SVOPL: variants seen among roughly 807,000 people sequenced by gnomAD.
SVOPL encodes the protein putative transporter SVOPL.
In SVOPL, 60 loss-of-function variants were observed where a neutral mutation model predicts 61.0. That is an observed-to-expected ratio of 0.98 (90% CI 0.80 to 1.22). The LOEUF (loss-of-function observed/expected upper bound fraction) is 1.22. Among genes scored for constraint, SVOPL ranks in the 50% most tolerant of loss-of-function variants. The probability of loss-of-function intolerance (pLI) is 0.00; values close to 1 mark genes in which losing one functional copy is unlikely to be tolerated. For missense variants in SVOPL, 662 were observed against 643.9 expected (o/e 1.03, Z -0.30); for synonymous variants, 279 against 250.0 (o/e 1.12, Z -1.09).
intron 14 of SVOPL, among the ~76,000 whole-genome samples, chr7:138,612,947 T>C (rs2116828600): frequency 6.6e-6 from 1 of 152,076 alleles, no homozygotes; most frequent in Non-Finnish European, 1.5e-5. Flanking sequence ...GAACTGAGAG[T>C]TGTCTTATAA....
chr7:138,673,552 C>T (rs1012829478), intron 3 of SVOPL, among the ~76,000 whole-genome samples: 4 of 151,956 alleles, frequency 2.6e-5, no homozygotes, highest in African/African-American at 9.7e-5. Flanking sequence ...GGGTGAGGCA[C>T]GAGAATCACT....
chr7:138,659,889 A>G lies in SVOPL; in HGVS notation c.445T>C (p.Cys149Arg). The G allele has an allele frequency of 6.4e-7, 1 of 1,551,578 alleles. No homozygotes were observed. The highest frequency in any genetic ancestry group is 8.7e-7 in the Non-Finnish European group (1 of 1,146,990). Residue 149 changes from cysteine to arginine, a missense_variant, in exon 6 of 16, where the codon TGT (cysteine) becomes CGT (arginine). Cys to Arg is a radical substitution (Grantham distance 180, BLOSUM62 -3). Transcript: ENST00000674285. ...CCTTGCGAGTGGCCGGACACACCAC[A>G]GCCCACCATCGTCCGCAGGAAGACA... ...WFVFLRTMVG[C>R]GVSGHSQGLI...
At chr7:138,648,889 T>G in intron 8 of SVOPL, 123 bp downstream of exon 8, 2 of 1,462,088 alleles carry the variant, frequency 1.4e-6, no homozygotes, top group Non-Finnish European at 1.8e-6. Context: ...ACCTCTGCAC[T>G]GCAGCCTGGA....
intron 13 of SVOPL, among the ~76,000 whole-genome samples, chr7:138,622,477 T>G (rs1799713698): frequency 9.3e-6 from 1 of 107,266 alleles, no homozygotes; most frequent in African/African-American, 3.6e-5. Context: ...GTATTTTTAG[T>G]GGAGGCAGCG....
chr7:138,625,911 C>A, intron 13 of SVOPL, 58 bp downstream of exon 13: 1 of 1,554,244 alleles, frequency 6.4e-7, no homozygotes, highest in Non-Finnish European at 8.8e-7. Context: ...TTTGGATGGA[C>A]ATCCTAAGTA....
At chr7:138,594,686 G>A in intron 15 of SVOPL, 65 bp from the exon 16 acceptor site, 2 of 1,192,936 alleles carry the variant, frequency 1.7e-6, no homozygotes, top group Non-Finnish European at 2.3e-6. Flanking sequence ...TTCATACTGA[G>A]CTATCTGATA....
chr7:138,630,178 T>C lies in SVOPL; in HGVS notation c.790-56A>G, dbSNP rs866031329. On this transcript the variant is annotated intron_variant, in intron 9 of 15. Transcript: ENST00000674285. ...TCAGCAGCTTAAGGATGAACGGAGA[T>C]GTTTCCACTGTTTTCGATCATAGAA... The C allele has an allele frequency of 4.1e-5, 57 of 1,401,196 alleles. 1 individual carries two copies. The South Asian group carries it at 4.4e-4, about 11-fold the overall frequency. 86.8% of individuals were successfully genotyped at this position (1,401,196 alleles called of 1,614,324 possible). A position where few individuals can be genotyped will look rare whatever the true frequency, so the allele number is the denominator to read the frequency against.
rs151301864 is a variant in SVOPL, at chr7:138,649,067, C to A, written c.605G>T (p.Arg202Leu). 4 of 1,613,642 alleles carry A rather than the reference C, an allele frequency of 2.5e-6. No individual in the cohort carries two copies. The South Asian group carries it at 4.4e-5, about 18-fold the overall frequency. Residue 202 changes from arginine (R) to leucine (L), a missense_variant, in exon 8 of 16, where the codon CGC becomes CTC. By Grantham distance (102) the Arg-to-Leu change is moderately radical. Coordinates refer to ENST00000674285, the MANE Select transcript of SVOPL (RefSeq NM_001139456.2). ...ASVIIPTIGW[R>L]WLIRVASIPG... is the part of the protein sequence containing the mutation. The stretch of plus-strand genomic sequence containing the variant: ...GATGGAGGCGACGCGAATGAGCCAG[C>A]GCCACCCGATGGTGGGGATGATCAC...
chr7:138,689,047 G>A, intron 1 of SVOPL: 2 of 715,354 alleles, frequency 2.8e-6, no homozygotes, highest in South Asian at 1.4e-5. Context: ...TCAAATCTTT[G>A]TGTTCACTTT....
intron 13 of SVOPL, among the ~76,000 whole-genome samples, chr7:138,625,335 A>G (rs1265094349): frequency 1.3e-5 from 2 of 152,208 alleles, no homozygotes; most frequent in Non-Finnish European, 2.9e-5. Context: ...CCTGAAAGGC[A>G]GCTTTATCAG....
chr7:138,611,912 A>G (rs1373709515), intron 14 of SVOPL, among the ~76,000 whole-genome samples: 19 of 23,902 alleles, frequency 7.9e-4, no homozygotes, highest in Middle Eastern at 5.9e-3. Flanking sequence ...CAGCTCATTG[A>G]GAACGGGCCA....
chr7:138,653,640 A>C (rs1461625179), intron 7 of SVOPL, among the ~76,000 whole-genome samples: 1 of 152,022 alleles, frequency 6.6e-6, no homozygotes, highest in African/African-American at 2.4e-5. Context: ...CATCTCAACT[A>C]AAGAAAAAAT....
chr7:138,652,352 C>A (rs575452895), intron 7 of SVOPL, among the ~76,000 whole-genome samples: 2 of 151,668 alleles, frequency 1.3e-5, no homozygotes, highest in African/African-American at 2.4e-5. Context: ...GTGTCTGGCC[C>A]GATTTTTTGA....
At position 138,659,862 on chromosome 7, in the gene SVOPL, A is replaced by G. The variant is rs974911103; in HGVS notation, c.470+2T>C. On this transcript the variant is annotated splice_donor_variant, in intron 6 of 15. Coordinates refer to ENST00000674285, the MANE Select transcript of SVOPL (RefSeq NM_001139456.2). LOFTEE classifies it high-confidence loss of function. ...TCAGGGTCCCCTGGGTAACATATTT[A>G]CCCTTGCGAGTGGCCGGACACACCA... The G allele has an allele frequency of 5.8e-6, 9 of 1,551,378 alleles. No individual in the cohort carries two copies. The Admixed American group carries it at 1.8e-4, about 30-fold the overall frequency.
intron 9 of SVOPL, among the ~76,000 whole-genome samples, chr7:138,639,901 C>T (rs753904846): frequency 4.5e-5 from 6 of 132,568 alleles, no homozygotes; most frequent in African/African-American, 1.4e-4. Flanking sequence ...TACAGGTGTG[C>T]GCCACTATGC....
chr7:138,653,599 C>A (rs1006879702), intron 7 of SVOPL, among the ~76,000 whole-genome samples: 8 of 151,738 alleles, frequency 5.3e-5, no homozygotes, highest in Non-Finnish European at 1.2e-4. Context: ...GCCAGGAGTT[C>A]AAGACCAGCC....
chr7:138,690,310 T>A (rs1262049908), intron 1 of SVOPL, among the ~76,000 whole-genome samples: 1 of 152,050 alleles, frequency 6.6e-6, no homozygotes. Context: ...CAGGCTGGAG[T>A]GCAATGGCGT....
chr7:138,594,897 T>C (rs1169079573), intron 15 of SVOPL, among the ~76,000 whole-genome samples: 1 of 151,912 alleles, frequency 6.6e-6, no homozygotes, highest in Non-Finnish European at 1.5e-5. Context: ...TACATATATA[T>C]ACACGTGTGT....
intron 1 of SVOPL, among the ~76,000 whole-genome samples, chr7:138,684,582 T>A (rs1052300949): frequency 6.6e-6 from 1 of 152,186 alleles, no homozygotes; most frequent in East Asian, 1.9e-4. Flanking sequence ...TCATACTTGT[T>A]AGGACGGCGA....
Sources: gnomAD v4.1 joint callset for allele counts (sites outside exome capture counted in the v4.1 genomes callset) on GRCh38, gnomAD v4.1.1 for gene constraint, MANE v1.5 for transcripts, NCBI Gene and HGNC (gene_info 2026-07-23, HGNC 2026-07-21) for gene names.